Variants in GPC5 observed in about 807,000 individuals in gnomAD.
GPC5 encodes glypican-5.
GPC5 carries 47 observed loss-of-function variants against 53.9 expected under a neutral mutation model. The observed-to-expected ratio is 0.87, with a 90% confidence interval of 0.69 to 1.11. The LOEUF is 1.11. GPC5 is among the 50% of genes most tolerant of loss of function. GPC5 has a pLI of 0.00. For missense variants in GPC5, 748 were observed against 713.1 expected (o/e 1.05, Z -0.56); for synonymous variants, 286 against 263.3 (o/e 1.09, Z -0.84).
At chr13:91,845,659 A>G (rs987608836) in intron 5 of GPC5, among the ~76,000 whole-genome samples, 8 of 152,170 alleles carry the variant, frequency 5.3e-5, no homozygotes, top group Admixed American at 6.5e-5. Context: ...TTCCAACTGC[A>G]AGAGTTTGTG....
chr13:92,523,217 A>T (rs1050539484), intron 7 of GPC5, among the ~76,000 whole-genome samples: 1 of 152,108 alleles, frequency 6.6e-6, no homozygotes, highest in African/African-American at 2.4e-5. Context: ...ACCTTCTGGA[A>T]CTCGTGTGTT....
intron 7 of GPC5, among the ~76,000 whole-genome samples, chr13:92,571,452 T>A (rs1323707152): frequency 6.6e-6 from 1 of 152,302 alleles, no homozygotes; most frequent in Non-Finnish European, 1.5e-5. Context: ...CATGATCCTT[T>A]CAATTGTATA....
At chr13:92,521,261 A>G (rs1434926193) in intron 7 of GPC5, among the ~76,000 whole-genome samples, 1 of 152,202 alleles carries the variant, frequency 6.6e-6, no homozygotes, top group South Asian at 2.1e-4. Flanking sequence ...TTCTTCACAG[A>G]ATTGGAAAAA....
chr13:91,578,191 C>T (rs1269492456), intron 2 of GPC5, among the ~76,000 whole-genome samples: 1 of 152,200 alleles, frequency 6.6e-6, no homozygotes, highest in Non-Finnish European at 1.5e-5. Flanking sequence ...TTCTTGGAAG[C>T]AGATCCTTCA....
chr13:92,613,538 AT>A (rs1363880495), intron 7 of GPC5, among the ~76,000 whole-genome samples: 5 of 126,540 alleles, frequency 4.0e-5, no homozygotes, highest in Non-Finnish European at 6.3e-5. Context: ...TATATATAAA[AT>A]ATAATATATA....
At chr13:92,243,199 A>G (rs2042626386) in intron 7 of GPC5, among the ~76,000 whole-genome samples, 1 of 152,178 alleles carries the variant, frequency 6.6e-6, no homozygotes, top group Non-Finnish European at 1.5e-5. Context: ...AACATTTCTC[A>G]CAGACTTTTC....
intron 7 of GPC5, among the ~76,000 whole-genome samples, chr13:92,703,820 G>C (rs1250825115): frequency 6.6e-6 from 1 of 151,748 alleles, no homozygotes; most frequent in African/African-American, 2.4e-5. Context: ...ATAGTCCTGG[G>C]AATATCGATT....
At chr13:91,851,902 G>A (rs971420297) in intron 5 of GPC5, among the ~76,000 whole-genome samples, 1 of 147,414 alleles carries the variant, frequency 6.8e-6, no homozygotes, top group African/African-American at 2.5e-5. Flanking sequence ...GTCTATCATT[G>A]TTGGACATTT....
intron 4 of GPC5, among the ~76,000 whole-genome samples, chr13:91,751,759 T>A (rs1205576434): frequency 6.6e-6 from 1 of 152,228 alleles, no homozygotes; most frequent in Non-Finnish European, 1.5e-5. Flanking sequence ...TATTTTCAAC[T>A]GTCTTCCACA....
At chr13:92,218,951 A>G (rs1284170785) in intron 7 of GPC5, among the ~76,000 whole-genome samples, 2 of 152,180 alleles carry the variant, frequency 1.3e-5, no homozygotes, top group Non-Finnish European at 2.9e-5. Context: ...TGAAAACCAC[A>G]ATAAAATTAT....
intron 7 of GPC5, among the ~76,000 whole-genome samples, chr13:92,293,399 T>TCCTAAGG: frequency 6.7e-6 from 1 of 149,678 alleles, no homozygotes; most frequent in Non-Finnish European, 1.5e-5. Flanking sequence ...TTAGGTATAC[T>TCCTAAGG]CCTAAGGTTG....
chr13:92,603,893 A>G (rs1484801709), intron 7 of GPC5, among the ~76,000 whole-genome samples: 1 of 152,110 alleles, frequency 6.6e-6, no homozygotes, highest in Non-Finnish European at 1.5e-5. Context: ...GAGGTATATC[A>G]CTGTCTTGGG....
intron 7 of GPC5, among the ~76,000 whole-genome samples, chr13:92,150,570 T>C (rs2041899811): frequency 6.6e-6 from 1 of 152,058 alleles, no homozygotes; most frequent in African/African-American, 2.4e-5. Context: ...ATGAATCATA[T>C]AAAATCATCT....
intron 6 of GPC5, among the ~76,000 whole-genome samples, chr13:92,093,932 T>A (rs1004590701): frequency 5.3e-5 from 8 of 152,234 alleles, no homozygotes; most frequent in Non-Finnish European, 1.2e-4. Context: ...CTTCATTTAA[T>A]TCAAATATGT....
At chr13:92,528,653 G>T (rs992271306) in intron 7 of GPC5, among the ~76,000 whole-genome samples, 1 of 151,970 alleles carries the variant, frequency 6.6e-6, no homozygotes, top group Non-Finnish European at 1.5e-5. Flanking sequence ...ATGCCTAATA[G>T]ATGTTCTAAG....
chr13:92,569,608 C>T (rs142029579), intron 7 of GPC5, among the ~76,000 whole-genome samples: 18 of 152,142 alleles, frequency 1.2e-4, no homozygotes, highest in Non-Finnish European at 2.2e-4. Flanking sequence ...CAAAAACACC[C>T]GAACACCTGG....
At chr13:92,569,078 TC>T (rs1247694436) in intron 7 of GPC5, among the ~76,000 whole-genome samples, 1 of 56,576 alleles carries the variant, frequency 1.8e-5, no homozygotes, top group African/African-American at 7.5e-5. Flanking sequence ...CCCTCCCCCC[TC>T]CCCCCACCCC....
At chr13:92,106,420 T>C (rs2041510535) in intron 6 of GPC5, among the ~76,000 whole-genome samples, 1 of 152,006 alleles carries the variant, frequency 6.6e-6, no homozygotes, top group Admixed American at 6.6e-5. Flanking sequence ...ACACATAGAT[T>C]TTGGATATGA....
intron 7 of GPC5, among the ~76,000 whole-genome samples, chr13:92,545,092 C>G (rs907406152): frequency 3.3e-5 from 5 of 151,868 alleles, no homozygotes; most frequent in African/African-American, 1.2e-4. Context: ...ACAACAGGCC[C>G]CGGTGTGTGA....
Sources: allele counts gnomAD v4.1 joint callset (sites outside exome capture counted in the v4.1 genomes callset), GRCh38; gene constraint gnomAD v4.1.1; transcripts MANE v1.5; gene names NCBI Gene and HGNC (gene_info 2026-07-23, HGNC 2026-07-21).